Variants in LRRN2 observed in about 807,000 individuals in gnomAD.
The protein encoded by LRRN2 is leucine rich repeat neuronal 2.
In LRRN2, 10 loss-of-function variants were observed where a neutral mutation model predicts 35.7. The ratio of observed to expected loss-of-function variants is 0.28; its 90% CI spans 0.17 to 0.47. The LOEUF is 0.47. Ranked by LOEUF, LRRN2 falls within the 20% of genes least tolerant of loss-of-function variation. The pLI, the probability that LRRN2 is intolerant of heterozygous loss-of-function variation, is 0.99. For missense variants in LRRN2, 731 were observed against 940.3 expected (o/e 0.78, Z 2.91); for synonymous variants, 391 against 409.6 (o/e 0.95, Z 0.55).
intron 1 of LRRN2, among the ~76,000 whole-genome samples, chr1:204,668,193 T>C (rs904428931): frequency 2.6e-5 from 4 of 152,212 alleles, no homozygotes; most frequent in African/African-American, 7.2e-5. Context: ...TCCCAGCCCC[T>C]GTGGGTGGTG....
intron 1 of LRRN2, among the ~76,000 whole-genome samples, chr1:204,657,231 G>T (rs1668377214): frequency 6.6e-6 from 1 of 151,946 alleles, no homozygotes; most frequent in Non-Finnish European, 1.5e-5. Flanking sequence ...CTTGAACCCG[G>T]GAGGCGGAGG....
chr1:204,624,827 T>G (rs1324488341), intron 1 of LRRN2, among the ~76,000 whole-genome samples: 1 of 148,334 alleles, frequency 6.7e-6, no homozygotes, highest in African/African-American at 2.5e-5. Context: ...CCTTGGCTGC[T>G]TCAGTGCCAG....
At chr1:204,651,426 T>C (rs1471402366) in intron 1 of LRRN2, among the ~76,000 whole-genome samples, 1 of 152,202 alleles carries the variant, frequency 6.6e-6, no homozygotes, top group Non-Finnish European at 1.5e-5. Context: ...TGATTTGTTA[T>C]GGCAGCAATA....
At chr1:204,634,857 A>G (rs1264545398) in intron 1 of LRRN2, among the ~76,000 whole-genome samples, 10 of 152,384 alleles carry the variant, frequency 6.6e-5, no homozygotes, top group African/African-American at 2.4e-4. Context: ...AAGCTTGGGC[A>G]AGATGCTTTA....
At chr1:204,669,822 A>G (rs1668668865) in intron 1 of LRRN2, among the ~76,000 whole-genome samples, 1 of 152,202 alleles carries the variant, frequency 6.6e-6, no homozygotes. Flanking sequence ...CACAGGTCAG[A>G]TACCACAAGG....
In LRRN2 at chr1:204,646,633, T is replaced by G. The variant is rs1668114423; in HGVS notation, c.-226-26415A>C. Among the ~76,000 whole-genome samples, 3 of 152,334 alleles carry G rather than the reference T, an allele frequency of 2.0e-5. 1 individual carries two copies. The highest frequency in any genetic ancestry group is 7.2e-5 in the African/African-American group (3 of 41,568). On this transcript the variant is annotated intron_variant, in intron 1 of 1. Coordinates refer to ENST00000367177, the MANE Select transcript of LRRN2 (RefSeq NM_201630.2). ...TCATGGGCCAGTCCAAACTGAGATG[T>G]GCTGGACAAGTCAATGTCCACCAGC...
intron 1 of LRRN2, among the ~76,000 whole-genome samples, chr1:204,640,004 C>A (rs1351877000): frequency 6.6e-6 from 1 of 152,156 alleles, no homozygotes; most frequent in Admixed American, 6.5e-5. Context: ...AATTCACAAT[C>A]ACTTCATATT....
At chr1:204,670,578 A>T (rs1668687670) in intron 1 of LRRN2, among the ~76,000 whole-genome samples, 1 of 152,164 alleles carries the variant, frequency 6.6e-6, no homozygotes, top group Non-Finnish European at 1.5e-5. Flanking sequence ...GGGACAGAGT[A>T]TCCAATCAGA....
intron 1 of LRRN2, among the ~76,000 whole-genome samples, chr1:204,634,637 C>T (rs759009375): frequency 4.1e-4 from 62 of 152,246 alleles, no homozygotes; most frequent in Admixed American, 9.8e-4. Context: ...CCAAGGAACA[C>T]CACCAATTGA....
At chr1:204,670,971 T>C (rs1668697642) in intron 1 of LRRN2, among the ~76,000 whole-genome samples, 1 of 152,112 alleles carries the variant, frequency 6.6e-6, no homozygotes, top group African/African-American at 2.4e-5. Context: ...AGGAAGGTTT[T>C]TGTTGTTGTT....
intron 1 of LRRN2, among the ~76,000 whole-genome samples, chr1:204,649,353 C>T (rs1415198580): frequency 5.9e-5 from 9 of 152,200 alleles, no homozygotes; most frequent in African/African-American, 2.2e-4. Flanking sequence ...TTATTTATCT[C>T]TGTATCCGCA....
intron 1 of LRRN2, among the ~76,000 whole-genome samples, chr1:204,623,237 CCTT>C (rs1489843153): frequency 6.6e-6 from 1 of 152,196 alleles, no homozygotes; most frequent in Non-Finnish European, 1.5e-5. Flanking sequence ...GTCCAGTTTC[CCTT>C]CTTCATCAAC....
intron 1 of LRRN2, among the ~76,000 whole-genome samples, chr1:204,622,982 C>T (rs1667026104): frequency 6.6e-6 from 1 of 152,194 alleles, no homozygotes; most frequent in South Asian, 2.1e-4. Flanking sequence ...CCAGTCATCC[C>T]TCAGGGTCAG....
chr1:204,669,376 C>A (rs1351627267), intron 1 of LRRN2, among the ~76,000 whole-genome samples: 6 of 152,148 alleles, frequency 3.9e-5, no homozygotes, highest in Non-Finnish European at 7.3e-5. Context: ...ATTCACTATC[C>A]CAAGATTTTC....
intron 1 of LRRN2, among the ~76,000 whole-genome samples, chr1:204,673,418 G>A (rs188282715): frequency 1.3e-5 from 2 of 152,304 alleles, no homozygotes; most frequent in African/African-American, 4.8e-5. Flanking sequence ...AACTGGGTGT[G>A]TTAAACCCAT....
chr1:204,670,357 C>A (rs1355243925), intron 1 of LRRN2, among the ~76,000 whole-genome samples: 1 of 151,790 alleles, frequency 6.6e-6, no homozygotes, highest in Admixed American at 6.6e-5. Flanking sequence ...GATCAGGCAG[C>A]GGGTGAGAAG....
At chr1:204,657,055 A>T (rs1668371783) in intron 1 of LRRN2, among the ~76,000 whole-genome samples, 1 of 152,210 alleles carries the variant, frequency 6.6e-6, no homozygotes, top group Admixed American at 6.5e-5. Context: ...CTGTAATCCC[A>T]GCACTTTGAG....
chr1:204,641,005 G>GA (rs58950375), intron 1 of LRRN2, among the ~76,000 whole-genome samples: 22,688 of 141,874 alleles, frequency 0.16, 1,827 homozygotes, highest in South Asian at 0.27. Context: ...GGTTAAAAAA[G>GA]AAAAAAAAAA....
chr1:204,658,488 C>T (rs555959375), intron 1 of LRRN2, among the ~76,000 whole-genome samples: 1 of 152,230 alleles, frequency 6.6e-6, no homozygotes, highest in Non-Finnish European at 1.5e-5. Context: ...GTACCCATAT[C>T]CCCAAGTCAG....
Sources: gnomAD v4.1 joint callset for allele counts (sites outside exome capture counted in the v4.1 genomes callset) on GRCh38, gnomAD v4.1.1 for gene constraint, MANE v1.5 for transcripts, NCBI Gene and HGNC (gene_info 2026-07-23, HGNC 2026-07-21) for gene names.